The following IPO13 variants were observed in gnomAD, a reference collection of about 807,000 sequenced individuals.
IPO13 encodes the protein importin 13, also known as importin-13.
A neutral mutation model predicts 115.5 loss-of-function variants in IPO13; 28 were observed. That is an observed-to-expected ratio of 0.24 (90% CI 0.18 to 0.33). The LOEUF (loss-of-function observed/expected upper bound fraction) is 0.33, where lower values mean the gene tolerates loss of function less well. IPO13 is among the 10% of genes least tolerant of loss of function. IPO13 has a pLI of 1.00. For synonymous variants in IPO13, 414 were observed against 478.9 expected, an observed-to-expected ratio of 0.86 and a Z score of 1.77; for missense variants, 785 against 1,204.6, an observed-to-expected ratio of 0.65 and a Z score of 5.16.
intron 15 of IPO13, among the ~76,000 whole-genome samples, chr1:43,965,518 G>A (rs573952619): frequency 1.4e-4 from 22 of 152,160 alleles, no homozygotes; most frequent in African/African-American, 4.1e-4. Context: ...TCTTTGATGC[G>A]GAGGGTGTCT....
In IPO13 at chr1:43,960,102, C is replaced by T. The variant is rs918825862; in HGVS notation, c.2029-147C>T. Reference sequence around the variant, plus strand: ...GAGAGAGTTCAGCAAACCACTTCTTCCCCCAGGGGTCCCATGCCCTGGGTC... The same window carrying T: ...GAGAGAGTTCAGCAAACCACTTCTTTCCCCAGGGGTCCCATGCCCTGGGTC... On this transcript the variant is annotated intron_variant, in intron 11 of 19. Transcript: ENST00000372343. 7 of 700,544 alleles carry T rather than the reference C, an allele frequency of 1.0e-5. No homozygotes were observed. In the African/African-American group the frequency reaches 1.2e-4, roughly 12 times the overall value. 43.4% of individuals were successfully genotyped at this position (700,544 alleles called of 1,614,324 possible).
chr1:43,962,460 C>G (rs2085296607), intron 14 of IPO13, among the ~76,000 whole-genome samples: 1 of 152,198 alleles, frequency 6.6e-6, no homozygotes, highest in African/African-American at 2.4e-5. Flanking sequence ...TCATCCCGGG[C>G]TTAAAACCCT....
chr1:43,957,656 A>G, intron 7 of IPO13, 107 bp downstream of exon 7: 1 of 1,352,432 alleles, frequency 7.4e-7, no homozygotes, highest in Non-Finnish European at 1.0e-6. Flanking sequence ...CCACATGCCT[A>G]CACACAATCA....
chr1:43,954,483 CT>C (rs1438799001), intron 2 of IPO13, among the ~76,000 whole-genome samples: 1 of 152,162 alleles, frequency 6.6e-6, no homozygotes, highest in Non-Finnish European at 1.5e-5. Context: ...ATAGAACTCC[CT>C]CTGGGATCCT....
rs1571774310 is a variant in IPO13, at chr1:43,967,267, C to T, written c.2614-48C>T. 3.8e-6 allele frequency: 6 copies of T among 1,578,482 alleles called. No individual in the cohort carries two copies. The highest frequency in any genetic ancestry group is 4.3e-6 in the Non-Finnish European group (5 of 1,154,042). On this transcript the variant is annotated intron_variant, in intron 18 of 19. Transcript: ENST00000372343. The surrounding 1 kb of genome is among the most constrained non-coding windows in gnomAD (Gnocchi z 6.1). ...CAGTTAGGCATTCTTGCTGCAGAAGCGGCGGAAGGGGCAACACCCTGGTGT... is the reference window on the plus strand; with the variant it reads ...CAGTTAGGCATTCTTGCTGCAGAAGTGGCGGAAGGGGCAACACCCTGGTGT...
chr1:43,950,744 G>C (rs2085203622), intron 2 of IPO13, among the ~76,000 whole-genome samples: 1 of 152,162 alleles, frequency 6.6e-6, no homozygotes, highest in Admixed American at 6.5e-5. Flanking sequence ...TTAATTCCTT[G>C]AATGTCCCAT....
At position 43,966,446 on chromosome 1, in the gene IPO13, T is replaced by C. The variant is rs199798820; in HGVS notation, c.2398-129T>C. On this transcript the variant is annotated intron_variant, in intron 15 of 19. Coordinates refer to ENST00000372343, the MANE Select transcript of IPO13 (RefSeq NM_014652.4). The surrounding 1 kb of genome is among the most constrained non-coding windows in gnomAD (Gnocchi z 4.1). ...TGAGGTGGTCCGGGTCCCCCAGAGA[T>C]GGCTGGGTAGCTGGTTTTGGCAGCC... The C allele has an allele frequency of 6.6e-5, 59 of 889,194 alleles. 2 individuals carry two copies. In the East Asian group the frequency reaches 8.7e-4, roughly 13 times the overall value. The allele number at this position is 889,194 out of a possible 1,614,324, so 55.1% of individuals were successfully genotyped here. A position where few individuals can be genotyped will look rare whatever the true frequency, so the allele number is the denominator to read the frequency against.
At chr1:43,965,823 G>A (rs1278123691) in intron 15 of IPO13, 1 of 155,372 alleles carries the variant, frequency 6.4e-6, no homozygotes, top group East Asian at 1.9e-4. Context: ...ATGCACTGGG[G>A]GCATTGCTGG....
Position 43,967,510 on chromosome 1 carries a change from G to A in IPO13, c.2795+14G>A. ...GCAGATCCTTCGGTGAGCAGAGCTGGGGTGGGCCTGGGGTCAGGCAGAGAG... is the reference window on the plus strand; with the variant it reads ...GCAGATCCTTCGGTGAGCAGAGCTGAGGTGGGCCTGGGGTCAGGCAGAGAG... On this transcript the variant is annotated intron_variant, in intron 19 of 19. Coordinates refer to ENST00000372343, the MANE Select transcript of IPO13 (RefSeq NM_014652.4). This position sits in a 1 kb window ranked among gnomAD's most constrained non-coding sequence, Gnocchi z 6.1. 1 of 1,614,070 alleles carries A rather than the reference G, an allele frequency of 6.2e-7. No homozygotes were observed. Among genetic ancestry groups the A allele is most frequent in the Non-Finnish European group, 8.5e-7 (1 of 1,179,954 alleles).
intron 14 of IPO13, among the ~76,000 whole-genome samples, chr1:43,962,196 C>T (rs1056639883): frequency 1.3e-5 from 2 of 152,032 alleles, no homozygotes; most frequent in African/African-American, 4.8e-5. Flanking sequence ...AACCAGAAAC[C>T]TGGTGTGGTC....
chr1:43,966,922 C>T lies in IPO13; in HGVS notation c.2524-8C>T, dbSNP rs1021213545. 10 of 1,613,708 alleles carry T rather than the reference C, an allele frequency of 6.2e-6. No individual in the cohort carries two copies. Among genetic ancestry groups the T allele is most frequent in the Non-Finnish European group, 8.5e-6 (10 of 1,179,900 alleles). Reference sequence around the variant, plus strand: ...AGCTGGGCTGATGGGCCTCTCCATCCTCTGCAGACAGAGCTGCTGCCTCGG... The same window carrying T: ...AGCTGGGCTGATGGGCCTCTCCATCTTCTGCAGACAGAGCTGCTGCCTCGG... On this transcript the variant is annotated splice_polypyrimidine_tract_variant and splice_region_variant and intron_variant, in intron 17 of 19. Coordinates refer to ENST00000372343, the MANE Select transcript of IPO13 (RefSeq NM_014652.4). The surrounding 1 kb of genome is among the most constrained non-coding windows in gnomAD (Gnocchi z 4.1).
chr1:43,955,977 G>A (rs1418720914), intron 2 of IPO13, among the ~76,000 whole-genome samples: 1 of 135,348 alleles, frequency 7.4e-6, no homozygotes, highest in Non-Finnish European at 1.5e-5. Flanking sequence ...TTCGAGACCA[G>A]CCTGGGTAAC....
chr1:43,957,711 C>G (rs986316000), intron 7 of IPO13, among the ~76,000 whole-genome samples, 162 bp downstream of exon 7: 2 of 152,250 alleles, frequency 1.3e-5, no homozygotes, highest in Non-Finnish European at 2.9e-5. Context: ...GGGGGTCCAT[C>G]TGATGGCACA....
In IPO13 at chr1:43,950,063, A is replaced by T. The variant is rs139063607; in HGVS notation, c.731A>T (p.Gln244Leu). 3,821 of 1,613,894 alleles carry T rather than the reference A, an allele frequency of 2.4e-3. 6 individuals are homozygous for T. Among genetic ancestry groups the T allele is most frequent in the Non-Finnish European group, 3.1e-3 (3,652 of 1,179,976 alleles). The change falls in exon 2 of 20, where the codon CAG becomes CTG. Residue 244 changes from glutamine to leucine, a missense_variant. Gln to Leu is a moderately radical substitution (Grantham distance 113). Transcript: ENST00000372343. ...VPLQDCEALI[Q>L]AAFAALQDSE... ...CTGCAGGACTGTGAGGCGCTCATTC[A>T]GGCTGCCTTTGCTGCTCTGCAGGAC...
Position 43,957,993 on chromosome 1 carries a change from G to A in IPO13, c.1557G>A (p.Trp519Ter), listed in dbSNP as rs1212447981. ...VMFTIGALSE[W>*]LADHPVMINS... is the part of the protein sequence containing the mutation. ...TTCCTCCAGGAGCTCTGTCTGAATGGCTGGCTGACCACCCCGTCATGATCA... is the reference window on the plus strand; with the variant it reads ...TTCCTCCAGGAGCTCTGTCTGAATGACTGGCTGACCACCCCGTCATGATCA... The change falls in exon 8 of 20, where the codon TGG (tryptophan) becomes TGA (stop). Residue 519 changes from tryptophan to a stop codon, truncating the protein, a stop_gained. Transcript: ENST00000372343. LOFTEE classifies it high-confidence loss of function. 6.2e-7 allele frequency: 1 copy of A among 1,614,110 alleles called. No individual in the cohort carries two copies. The highest frequency in any genetic ancestry group is 8.5e-7 in the Non-Finnish European group (1 of 1,180,020).
Position 43,958,683 on chromosome 1 carries a change from T to C in IPO13, c.1885-63T>C, listed in dbSNP as rs1464997334. ...TGGAGCTGGCCCTCAGAGCTGAGGC[T>C]CAGTGATCTGGGGACCAAACTGGGG... On this transcript the variant is annotated intron_variant, in intron 10 of 19. Transcript: ENST00000372343. The surrounding 1 kb of genome is among the most constrained non-coding windows in gnomAD (Gnocchi z 6.3). 1.2e-6 allele frequency: 2 copies of C among 1,612,540 alleles called. No homozygotes were observed. The highest frequency in any genetic ancestry group is 1.7e-6 in the Non-Finnish European group (2 of 1,178,796).
At chr1:43,951,251 A>G (rs1046557505) in intron 2 of IPO13, among the ~76,000 whole-genome samples, 2 of 152,230 alleles carry the variant, frequency 1.3e-5, no homozygotes, top group Non-Finnish European at 2.9e-5. Context: ...CTTTAGCTTC[A>G]GTCTCAGGAG....
chr1:43,966,703 C>T lies in IPO13; in HGVS notation c.2465-21C>T, dbSNP rs1340890261. 3.7e-6 allele frequency: 6 copies of T among 1,614,050 alleles called. No individual in the cohort carries two copies. Among genetic ancestry groups the T allele is most frequent in the Non-Finnish European group, 5.1e-6 (6 of 1,180,024 alleles). Reference sequence around the variant, plus strand: ...CCCCTAGAAGGATCGTTAAACTGATCTGCCTCTGCCTTTCCCACAGCTGTG... The same window carrying T: ...CCCCTAGAAGGATCGTTAAACTGATTTGCCTCTGCCTTTCCCACAGCTGTG... On this transcript the variant is annotated intron_variant, in intron 16 of 19. Coordinates refer to ENST00000372343, the MANE Select transcript of IPO13 (RefSeq NM_014652.4). The surrounding 1 kb of genome is among the most constrained non-coding windows in gnomAD (Gnocchi z 4.1).
intron 11 of IPO13, among the ~76,000 whole-genome samples, chr1:43,959,853 T>A (rs1434427570): frequency 6.6e-6 from 1 of 152,302 alleles, no homozygotes; most frequent in East Asian, 1.9e-4. Flanking sequence ...TGTGCATTCC[T>A]TGGGGCTCCC....
Sources: gnomAD v4.1 joint callset for allele counts (sites outside exome capture counted in the v4.1 genomes callset) on GRCh38, gnomAD v4.1.1 for gene constraint, Gnocchi (gnomAD v3.1) non-coding constraint, MANE v1.5 for transcripts, NCBI Gene and HGNC (gene_info 2026-07-23, HGNC 2026-07-21) for gene names.